The following TM6SF1 variants were observed in gnomAD, a reference collection of about 807,000 sequenced individuals.
TM6SF1 encodes the protein transmembrane 6 superfamily member 1.
Under a neutral mutation model 47.1 loss-of-function variants are expected in TM6SF1, and 43 were observed. The ratio of observed to expected loss-of-function variants is 0.91; its 90% CI spans 0.72 to 1.18. The LOEUF is 1.18. Among genes scored for constraint, TM6SF1 ranks in the 50% most tolerant of loss-of-function variants. The probability of loss-of-function intolerance (pLI) is 0.00; values close to 1 mark genes in which losing one functional copy is unlikely to be tolerated. For synonymous variants in TM6SF1, 177 were observed against 166.3 expected, an observed-to-expected ratio of 1.06 and a Z score of -0.49; for missense variants, 390 against 449.0, an observed-to-expected ratio of 0.87 and a Z score of 1.19.
At chr15:83,126,640 C>T (rs552762898) in intron 7 of TM6SF1, 115 bp from the exon 8 acceptor site, 30 of 794,306 alleles carry the variant, frequency 3.8e-5, no homozygotes, top group African/African-American at 3.0e-4. Flanking sequence ...ACAATGCATA[C>T]GTTTTGTTAA....
chr15:83,119,078 G>A (rs1282642552), intron 3 of TM6SF1, among the ~76,000 whole-genome samples: 2 of 152,170 alleles, frequency 1.3e-5, no homozygotes, highest in Non-Finnish European at 2.9e-5. Flanking sequence ...GTGAAGCTCC[G>A]AGTTCGGTGC....
At chr15:83,109,253 G>A (rs892862996) in intron 1 of TM6SF1, among the ~76,000 whole-genome samples, 5 of 152,148 alleles carry the variant, frequency 3.3e-5, no homozygotes, top group Admixed American at 1.3e-4. Context: ...GGAGCCTGTC[G>A]GGCAGGAAAA....
chr15:83,113,164 A>G lies in TM6SF1; in HGVS notation c.196+264A>G, dbSNP rs2034350496. ...ACCCTGCCAACCCCAGCATGCTTTG[A>G]CCTCTGACCTCTGACCTCGACTCTC... On this transcript the variant is annotated intron_variant, in intron 2 of 9. Transcript: ENST00000322019. The G allele has an allele frequency of 5.9e-6, 3 of 509,570 alleles. No homozygotes were observed. The South Asian group carries it at 6.5e-5, about 11-fold the overall frequency. The allele number at this position is 509,570 out of a possible 1,614,324, so 31.6% of individuals were successfully genotyped here.
chr15:83,121,873 C>G, intron 4 of TM6SF1, 48 bp from the exon 5 acceptor site: 1 of 1,420,822 alleles, frequency 7.0e-7, no homozygotes, highest in Non-Finnish European at 9.8e-7. Context: ...GCTTAGTATT[C>G]TAAGACAAAC....
intron 2 of TM6SF1, 93 bp from the exon 3 acceptor site, chr15:83,115,752 T>A: frequency 1.1e-6 from 1 of 871,912 alleles, no homozygotes; most frequent in Non-Finnish European, 1.9e-6. Context: ...CTGGAAAACA[T>A]GAAAAACATT....
chr15:83,136,726 A>G lies in TM6SF1; in HGVS notation c.*54A>G. The G allele has an allele frequency of 1.4e-6, 2 of 1,460,714 alleles. No homozygotes were observed. Among genetic ancestry groups the G allele is most frequent in the Non-Finnish European group, 9.3e-7 (1 of 1,074,386 alleles). The allele number at this position is 1,460,714 out of a possible 1,614,324, so 90.5% of individuals were successfully genotyped here. A position where few individuals can be genotyped will look rare whatever the true frequency, so the allele number is the denominator to read the frequency against. On this transcript the variant is annotated 3_prime_UTR_variant, in exon 10 of 10. Transcript: ENST00000322019. ...AATTACTAACTTTTGTTATACTGGTACTGATATTTTGTCCCATTTCACTCT... is the reference window on the plus strand; with the variant it reads ...AATTACTAACTTTTGTTATACTGGTGCTGATATTTTGTCCCATTTCACTCT...
intron 1 of TM6SF1, among the ~76,000 whole-genome samples, chr15:83,109,314 G>A (rs979712149): frequency 3.3e-5 from 5 of 152,122 alleles, no homozygotes; most frequent in Non-Finnish European, 7.4e-5. Context: ...TATTTTGGAA[G>A]GTGAACAGAT....
intron 9 of TM6SF1, chr15:83,131,931 C>T (rs2151383082): frequency 6.6e-6 from 1 of 152,242 alleles, no homozygotes; most frequent in Non-Finnish European, 1.5e-5. Context: ...GAAGCATTTT[C>T]TCTGCTAAAA....
chr15:83,119,551 T>G, intron 3 of TM6SF1, 27 bp from the exon 4 acceptor site: 1 of 1,612,168 alleles, frequency 6.2e-7, no homozygotes, highest in Non-Finnish European at 8.5e-7. Context: ...TTATTTAAAG[T>G]GGACTTCTTT....
At chr15:83,133,422 TA>T (rs1292879222) in intron 9 of TM6SF1, 2 of 152,224 alleles carry the variant, frequency 1.3e-5, no homozygotes, top group Non-Finnish European at 2.9e-5. Context: ...AAACAGCTCT[TA>T]AAATTTAACC....
intron 4 of TM6SF1, 89 bp downstream of exon 4, chr15:83,119,770 A>G: frequency 6.3e-7 from 1 of 1,583,988 alleles, no homozygotes; most frequent in Non-Finnish European, 8.6e-7. Context: ...AGGCAAATAC[A>G]CAAGCAGGTA....
intron 1 of TM6SF1, among the ~76,000 whole-genome samples, chr15:83,109,988 G>T (rs1257482071): frequency 6.6e-6 from 1 of 152,058 alleles, no homozygotes; most frequent in Admixed American, 6.5e-5. Context: ...ACTTTCCTGT[G>T]GTAAGAACTT....
At position 83,107,846 on chromosome 15, in the gene TM6SF1, A is replaced by G; in HGVS notation, c.92+74A>G. The G allele has an allele frequency of 6.7e-7, 1 of 1,500,502 alleles. No individual in the cohort carries two copies. The highest frequency in any genetic ancestry group is 1.3e-5 in the South Asian group (1 of 79,978). The allele number at this position is 1,500,502 out of a possible 1,614,324, so 92.9% of individuals were successfully genotyped here. On this transcript the variant is annotated intron_variant, in intron 1 of 9. Coordinates refer to ENST00000322019, the MANE Select transcript of TM6SF1 (RefSeq NM_023003.5). This position sits in a 1 kb window ranked among gnomAD's most constrained non-coding sequence, Gnocchi z 5.6. The stretch of plus-strand genomic sequence containing the variant: ...GGCTCGCCGCGACGGGAGCCTCGCA[A>G]CTTTTCCGAGGGGGCTGGGACCGTC...
At chr15:83,135,296 TCAG>T (rs1221707949) in intron 9 of TM6SF1, 1 of 152,248 alleles carries the variant, frequency 6.6e-6, no homozygotes, top group Non-Finnish European at 1.5e-5. Flanking sequence ...GTGAAATCAC[TCAG>T]CAGAATAAAT....
At position 83,107,704 on chromosome 15, in the gene TM6SF1, G is replaced by C. The variant is rs2033785452; in HGVS notation, c.24G>C (p.Gly8=). The part of the protein sequence containing the change: MSASAAT[G]VFVLSLSAIP... ...CGATGAGTGCCTCTGCGGCCACCGG[G>C]GTCTTCGTGCTGTCCCTCTCGGCCA... The change falls in exon 1 of 10, where the codon GGG becomes GGC. Residue 8 remains glycine (G), a synonymous_variant. Transcript: ENST00000322019. The surrounding 1 kb of genome is among the most constrained non-coding windows in gnomAD (Gnocchi z 5.6). The C allele has an allele frequency of 6.4e-7, 1 of 1,565,750 alleles. No individual in the cohort carries two copies. The highest frequency in any genetic ancestry group is 1.2e-5 in the South Asian group (1 of 86,142).
rs183920748 is a variant in TM6SF1 at position 83,120,862 on chromosome 15, G to A, written c.399-1059G>A. Among the ~76,000 whole-genome samples the A allele has an allele frequency of 1.0e-4, 15 of 150,438 alleles. 1 individual carries two copies. The South Asian group carries it at 1.1e-3, about 11-fold the overall frequency. On this transcript the variant is annotated intron_variant, in intron 4 of 9. Transcript: ENST00000322019. ...ATTACAGGCGTGAACCACCGTGCCC[G>A]GCTCCAGCTCATTCTTATCTGTTCT...
At chr15:83,133,311 T>C (rs1296605463) in intron 9 of TM6SF1, 1 of 152,254 alleles carries the variant, frequency 6.6e-6, no homozygotes, top group Admixed American at 6.5e-5. Context: ...TTTCTGCCTA[T>C]AACATTCACA....
rs538026192 is a variant in TM6SF1 at position 83,132,968 on chromosome 15, C to T, written c.922-3513C>T. ...ACAAAGGGCCCAGATTTTCTACAGTCGAGCACCAGATCATGAATGGGTATT... is the reference window on the plus strand; with the variant it reads ...ACAAAGGGCCCAGATTTTCTACAGTTGAGCACCAGATCATGAATGGGTATT... On this transcript the variant is annotated intron_variant, in intron 9 of 9. Coordinates refer to ENST00000322019, the MANE Select transcript of TM6SF1 (RefSeq NM_023003.5). The T allele has an allele frequency of 1.4e-4, 22 of 152,320 alleles. No individual in the cohort carries two copies. The East Asian group carries it at 4.0e-3, about 28-fold the overall frequency. 9.4% of individuals were successfully genotyped at this position (152,320 alleles called of 1,614,324 possible).
intron 3 of TM6SF1, among the ~76,000 whole-genome samples, chr15:83,117,996 A>G (rs1448066351): frequency 6.6e-6 from 1 of 152,196 alleles, no homozygotes; most frequent in African/African-American, 2.4e-5. Flanking sequence ...GAGAGACTGC[A>G]TAGGAGAATG....
Sources: allele counts gnomAD v4.1 joint callset (sites outside exome capture counted in the v4.1 genomes callset), GRCh38; gene constraint gnomAD v4.1.1; non-coding constraint Gnocchi (gnomAD v3.1); transcripts MANE v1.5; gene names NCBI Gene and HGNC (gene_info 2026-07-23, HGNC 2026-07-21).